MAN1A1: variants seen among roughly 807,000 people sequenced by gnomAD.
The protein encoded by MAN1A1 is mannosidase alpha class 1A member 1, also known as mannosyl-oligosaccharide 1,2-alpha-mannosidase IA.
MAN1A1 carries 29 observed loss-of-function variants against 70.8 expected under a neutral mutation model. The ratio of observed to expected loss-of-function variants is 0.41; its 90% confidence interval spans 0.31 to 0.56. The LOEUF is 0.56. MAN1A1 is among the 20% of genes least tolerant of loss of function. MAN1A1 has a pLI of 0.29. For missense variants in MAN1A1, 747 were observed against 841.3 expected (o/e 0.89, Z 1.39); for synonymous variants, 349 against 330.1 (o/e 1.06, Z -0.62).
Position 119,177,528 on chromosome 6 carries a change from C to T in MAN1A1, c.*2291G>A, listed in dbSNP as rs754634384. 3.3e-5 allele frequency: 5 copies of T among 151,996 alleles called. No homozygotes were observed. The highest frequency in any genetic ancestry group is 5.9e-5 in the Non-Finnish European group (4 of 67,932). The allele number at this position is 151,996 out of a possible 1,614,324, so 9.4% of individuals were successfully genotyped here. A position where few individuals can be genotyped will look rare whatever the true frequency, so the allele number is the denominator to read the frequency against. On this transcript the variant is annotated 3_prime_UTR_variant, in exon 13 of 13. Coordinates refer to ENST00000368468, the MANE Select transcript of MAN1A1 (RefSeq NM_005907.4). ...CGGTTCATCTTTCAGTATGTGAATA[C>T]GTATACAAATTTAACTGCACAGTTT...
chr6:119,187,787 G>C (rs539802676), intron 11 of MAN1A1, among the ~76,000 whole-genome samples: 2 of 152,224 alleles, frequency 1.3e-5, no homozygotes, highest in East Asian at 1.9e-4. Context: ...TCAGGCATTC[G>C]GCACACAAAG....
intron 6 of MAN1A1, among the ~76,000 whole-genome samples, chr6:119,211,536 C>T (rs532371934): frequency 6.6e-6 from 1 of 152,320 alleles, no homozygotes; most frequent in East Asian, 1.9e-4. Context: ...CCACCCTAAA[C>T]TTACATCTAG....
chr6:119,196,323 A>G (rs1018523698), intron 8 of MAN1A1, among the ~76,000 whole-genome samples: 1 of 54,234 alleles, frequency 1.8e-5, no homozygotes, highest in Non-Finnish European at 3.9e-5. Context: ...AAAATTTCAC[A>G]TTAAAAAAAA....
rs776277695 is a variant in MAN1A1 at position 119,188,355 on chromosome 6, T to G, written c.1719+50A>C. Reference sequence around the variant, plus strand: ...CCTGATTTATGGGTATCACTGAACATTTTTTACTATGAAATTTATCTATAA... The same window carrying G: ...CCTGATTTATGGGTATCACTGAACAGTTTTTACTATGAAATTTATCTATAA... On this transcript the variant is annotated intron_variant, in intron 11 of 12. Transcript: ENST00000368468. The G allele has an allele frequency of 3.3e-6, 5 of 1,517,908 alleles. No homozygotes were observed. In the Admixed American group the frequency reaches 1.1e-4, roughly 33 times the overall value. 94.0% of individuals were successfully genotyped at this position (1,517,908 alleles called of 1,614,324 possible).
intron 5 of MAN1A1, among the ~76,000 whole-genome samples, chr6:119,274,282 T>C (rs980480692): frequency 1.3e-5 from 2 of 152,240 alleles, no homozygotes; most frequent in South Asian, 2.1e-4. Context: ...AATCCTGTCT[T>C]ACTTTTTCTA....
chr6:119,181,876 T>C (rs911535128), intron 11 of MAN1A1, among the ~76,000 whole-genome samples: 3 of 152,240 alleles, frequency 2.0e-5, no homozygotes, highest in Non-Finnish European at 2.9e-5. Context: ...ATACACATCA[T>C]CTTCTGTGGA....
intron 2 of MAN1A1, among the ~76,000 whole-genome samples, chr6:119,326,324 G>C (rs1044371484): frequency 2.6e-5 from 4 of 152,204 alleles, no homozygotes; most frequent in Non-Finnish European, 5.9e-5. Context: ...AAGACGGACA[G>C]CTCTAGCTCT....
intron 11 of MAN1A1, among the ~76,000 whole-genome samples, chr6:119,181,108 A>G (rs1773142761): frequency 6.6e-6 from 1 of 152,198 alleles, no homozygotes; most frequent in Admixed American, 6.5e-5. Context: ...AACCACAGCC[A>G]TGTTGTTTAA....
At chr6:119,197,214 C>G (rs373103313) in intron 8 of MAN1A1, among the ~76,000 whole-genome samples, 1 of 151,512 alleles carries the variant, frequency 6.6e-6, no homozygotes, top group Non-Finnish European at 1.5e-5. Flanking sequence ...GAGGCTGATG[C>G]AGGAGAATCG....
rs1348328305 is a variant in MAN1A1 at position 119,189,755 on chromosome 6, C to T, written c.1455G>A (p.Gly485=). 5 of 1,613,950 alleles carry T rather than the reference C, an allele frequency of 3.1e-6. No homozygotes were observed. The highest frequency in any genetic ancestry group is 4.2e-6 in the Non-Finnish European group (5 of 1,180,014). Residue 485 remains glycine, a synonymous_variant, in exon 10 of 13, where the codon GGG becomes GGA. Transcript: ENST00000368468. ...TCFAGGMFAL[G]ADAAPEGMAQ... is the part of the protein sequence containing the mutation. ...CCATGCCTTCGGGAGCTGCATCAGC[C>T]CCGAGTGCGAACATGCCCCCCGCGA...
At chr6:119,349,520 AC>A (rs1773843857) in intron 1 of MAN1A1, 21 bp downstream of exon 1, 1 of 984,426 alleles carries the variant, frequency 1.0e-6, no homozygotes, top group Admixed American at 6.1e-5. Context: ...GCGCGCGAGC[AC>A]CTCGGGGAGG....
At chr6:119,192,012 T>G (rs948330801) in intron 9 of MAN1A1, among the ~76,000 whole-genome samples, 1 of 152,158 alleles carries the variant, frequency 6.6e-6, no homozygotes, top group African/African-American at 2.4e-5. Context: ...CTTTTACTAC[T>G]AAGAGAAGCA....
chr6:119,183,096 C>G (rs187180507), intron 11 of MAN1A1, among the ~76,000 whole-genome samples: 8 of 152,324 alleles, frequency 5.3e-5, no homozygotes, highest in Non-Finnish European at 1.2e-4. Flanking sequence ...CAGCTCCCAT[C>G]TGCAGATACT....
intron 11 of MAN1A1, among the ~76,000 whole-genome samples, chr6:119,187,607 T>C (rs1292057349): frequency 1.3e-5 from 2 of 152,224 alleles, no homozygotes; most frequent in Non-Finnish European, 2.9e-5. Context: ...TCATTCCTCA[T>C]GGACAGTTTT....
At chr6:119,279,811 C>A (rs529387181) in intron 5 of MAN1A1, among the ~76,000 whole-genome samples, 1 of 152,300 alleles carries the variant, frequency 6.6e-6, no homozygotes, top group East Asian at 1.9e-4. Context: ...AGACCTTGAA[C>A]TAATCTTTAT....
chr6:119,234,373 T>TTGTATA (rs138387164), intron 6 of MAN1A1, among the ~76,000 whole-genome samples: 7,277 of 152,232 alleles, frequency 0.048, 240 homozygotes, highest in Non-Finnish European at 0.072. Flanking sequence ...AGAATTGTGT[T>TTGTATA]TGTATATGTG....
intron 5 of MAN1A1, among the ~76,000 whole-genome samples, chr6:119,256,515 C>G (rs1318019377): frequency 6.7e-6 from 1 of 150,350 alleles, no homozygotes; most frequent in African/African-American, 2.5e-5. Context: ...ATGGGGAATG[C>G]TGGGAAGAAC....
chr6:119,255,337 T>C (rs1361051663), intron 5 of MAN1A1, among the ~76,000 whole-genome samples: 1 of 152,234 alleles, frequency 6.6e-6, no homozygotes, highest in Non-Finnish European at 1.5e-5. Context: ...GTTTACCTAT[T>C]ACTCATTTTC....
At chr6:119,218,591 G>T (rs1373568043) in intron 6 of MAN1A1, among the ~76,000 whole-genome samples, 1 of 151,638 alleles carries the variant, frequency 6.6e-6, no homozygotes, top group African/African-American at 2.4e-5. Flanking sequence ...TTGATTCCAG[G>T]CTGGGGCCAC....
Sources: allele counts gnomAD v4.1 joint callset (sites outside exome capture counted in the v4.1 genomes callset), GRCh38; gene constraint gnomAD v4.1.1; transcripts MANE v1.5; gene names NCBI Gene and HGNC (gene_info 2026-07-23, HGNC 2026-07-21).